The following NCBP1 variants were observed in gnomAD, a reference collection of about 807,000 sequenced individuals.
NCBP1 encodes nuclear cap binding protein subunit 1.
In NCBP1, 16 loss-of-function variants were observed where a neutral mutation model predicts 111.7. The ratio of observed to expected loss-of-function variants is 0.14; its 90% CI spans 0.10 to 0.22. The LOEUF (loss-of-function observed/expected upper bound fraction) is 0.22. Among genes scored for constraint, NCBP1 ranks in the 10% least tolerant of loss-of-function variants. NCBP1 has a pLI of 1.00. For missense variants in NCBP1, 607 were observed against 957.5 expected (o/e 0.63, Z 4.83); for synonymous variants, 304 against 314.3 (o/e 0.97, Z 0.35).
chr9:97,657,119 A>C (rs1427520608), intron 14 of NCBP1, among the ~76,000 whole-genome samples: 2 of 152,120 alleles, frequency 1.3e-5, no homozygotes, highest in Admixed American at 1.3e-4. Flanking sequence ...GGCGCCCGCC[A>C]CCACGCCTGG....
intron 8 of NCBP1, among the ~76,000 whole-genome samples, chr9:97,648,954 G>A (rs1050503409): frequency 3.3e-5 from 5 of 151,988 alleles, no homozygotes; most frequent in South Asian, 2.1e-4. Context: ...CGTCCGCTTC[G>A]TTTTCCCAAA....
chr9:97,655,247 G>C (rs940281986), intron 12 of NCBP1, among the ~76,000 whole-genome samples: 2 of 152,078 alleles, frequency 1.3e-5, no homozygotes, highest in Non-Finnish European at 2.9e-5. Flanking sequence ...GTCTTGCTCT[G>C]TCACCCAGGC....
chr9:97,641,447 TGATTTTAAAATGATA>T (rs1827202275), intron 2 of NCBP1, 100 bp from the exon 3 acceptor site: 3 of 775,104 alleles, frequency 3.9e-6, no homozygotes, highest in Admixed American at 4.2e-5. Flanking sequence ...TGATTGGTAA[TGATTTTAAAATGATA>T]GATTTTAAAA....
intron 1 of NCBP1, among the ~76,000 whole-genome samples, chr9:97,636,558 A>G (rs1437941935): frequency 6.9e-6 from 1 of 145,330 alleles, no homozygotes; most frequent in Admixed American, 6.9e-5. Flanking sequence ...TATAAGTTTT[A>G]TATAAATATA....
chr9:97,650,289 G>A (rs1827462811), intron 8 of NCBP1, among the ~76,000 whole-genome samples: 1 of 152,294 alleles, frequency 6.6e-6, no homozygotes, highest in South Asian at 2.1e-4. Flanking sequence ...TTAGGTATGA[G>A]ATGTGGTAGA....
intron 1 of NCBP1, among the ~76,000 whole-genome samples, chr9:97,635,032 G>GA (rs996977152): frequency 1.3e-5 from 2 of 152,098 alleles, no homozygotes; most frequent in East Asian, 1.9e-4. Context: ...GTCAATGTAA[G>GA]AAAAAAACCC....
intron 5 of NCBP1, among the ~76,000 whole-genome samples, 183 bp downstream of exon 5, chr9:97,645,407 G>A (rs1827307264): frequency 6.6e-6 from 1 of 151,932 alleles, no homozygotes; most frequent in African/African-American, 2.4e-5. Flanking sequence ...CACACTGGTG[G>A]GTTCTCATAA....
chr9:97,634,060 C>G (rs967302958), intron 1 of NCBP1, 145 bp downstream of exon 1: 1 of 1,072,852 alleles, frequency 9.3e-7, no homozygotes, highest in African/African-American at 1.7e-5. Flanking sequence ...AATATGGTGG[C>G]GGTGTGGTCG....
Position 97,633,844 on chromosome 9 carries a change from G to C in NCBP1, c.-38G>C, listed in dbSNP as rs982222107. ...CCAGACAGTTCCTGCAGCGCTTACC[G>C]CCTGGCCTCTCGGTTCCGCGGCGCA... On this transcript the variant is annotated 5_prime_UTR_variant, in exon 1 of 23. Transcript: ENST00000375147. The C allele has an allele frequency of 1.3e-6, 2 of 1,566,092 alleles. No individual in the cohort carries two copies. Among genetic ancestry groups the C allele is most frequent in the African/African-American group, 1.4e-5 (1 of 73,726 alleles).
Position 97,671,115 on chromosome 9 carries a change from G to A in NCBP1, c.2289G>A (p.Val763=), listed in dbSNP as rs1564032345. ...ACCAAATAATCCAGCAGTACATGGT[G>A]ACCCTGGAGAACCTTCTCTTCACTG... ...QHHQIIQQYM[V]TLENLLFTAE... is the part of the protein sequence containing the mutation. Residue 763 remains valine (V), a synonymous_variant, in exon 23 of 23, where the codon GTG becomes GTA. Coordinates refer to ENST00000375147, the MANE Select transcript of NCBP1 (RefSeq NM_002486.5). 4 of 1,612,970 alleles carry A rather than the reference G, an allele frequency of 2.5e-6. No homozygotes were observed. Among genetic ancestry groups the A allele is most frequent in the Non-Finnish European group, 3.4e-6 (4 of 1,179,052 alleles).
chr9:97,651,449 C>CTTAT lies in NCBP1; in HGVS notation c.1059+98_1059+101dup, dbSNP rs925940251. 398 of 1,272,510 alleles carry CTTAT rather than the reference C, an allele frequency of 3.1e-4. No individual in the cohort carries two copies. In the East Asian group the frequency reaches 6.0e-3, roughly 19 times the overall value. The allele number at this position is 1,272,510 out of a possible 1,614,324, so 78.8% of individuals were successfully genotyped here. On this transcript the variant is annotated intron_variant, in intron 10 of 22. Transcript: ENST00000375147. ...GCTTTAAAGTATGATCTACTCTTGG[C>CTTAT]TTATTTATTTATTTATTTATTTATT...
At chr9:97,641,056 A>G (rs1287160410) in intron 2 of NCBP1, among the ~76,000 whole-genome samples, 174 bp downstream of exon 2, 1 of 152,134 alleles carries the variant, frequency 6.6e-6, no homozygotes, top group Non-Finnish European at 1.5e-5. Context: ...ATAATTGATC[A>G]TTTTTAGTAC....
chr9:97,644,538 T>C (rs144519837), intron 4 of NCBP1, among the ~76,000 whole-genome samples: 122 of 152,314 alleles, frequency 8.0e-4, no homozygotes, highest in African/African-American at 2.7e-3. Context: ...ATTGTGCTTG[T>C]TCCACTAGAA....
At chr9:97,635,414 CT>C (rs5899316) in intron 1 of NCBP1, among the ~76,000 whole-genome samples, 30,412 of 141,782 alleles carry the variant, frequency 0.21, 4,050 homozygotes, top group Non-Finnish European at 0.31. Context: ...AATTCCCTCC[CT>C]TTTTTTTTTT....
At chr9:97,656,471 T>C (rs1168865294) in intron 14 of NCBP1, among the ~76,000 whole-genome samples, 1 of 152,064 alleles carries the variant, frequency 6.6e-6, no homozygotes, top group African/African-American at 2.4e-5. Context: ...CCCAGCTACT[T>C]GGGAGGTTGA....
intron 1 of NCBP1, among the ~76,000 whole-genome samples, chr9:97,638,151 C>T (rs1827104622): frequency 6.6e-6 from 1 of 152,070 alleles, no homozygotes; most frequent in African/African-American, 2.4e-5. Flanking sequence ...CTTATGAGTT[C>T]AATATCATGT....
At chr9:97,646,712 C>T (rs1319687401) in intron 6 of NCBP1, among the ~76,000 whole-genome samples, 1 of 151,796 alleles carries the variant, frequency 6.6e-6, no homozygotes, top group Non-Finnish European at 1.5e-5. Flanking sequence ...TGGTGGGTGC[C>T]TGTAATCCCA....
chr9:97,661,732 G>GT (rs34390822), intron 16 of NCBP1, among the ~76,000 whole-genome samples: 24,837 of 112,938 alleles, frequency 0.22, 2,950 homozygotes, highest in South Asian at 0.41. Flanking sequence ...AAGCTTAAGT[G>GT]TTTTTTTTTT....
At chr9:97,645,038 A>G in intron 4 of NCBP1, 79 bp from the exon 5 acceptor site, 1 of 1,056,450 alleles carries the variant, frequency 9.5e-7, no homozygotes, top group East Asian at 2.4e-5. Context: ...CCAATAGTTT[A>G]GCCTATACAA....
Sources: allele counts gnomAD v4.1 joint callset (sites outside exome capture counted in the v4.1 genomes callset), GRCh38; gene constraint gnomAD v4.1.1; transcripts MANE v1.5; gene names NCBI Gene and HGNC (gene_info 2026-07-23, HGNC 2026-07-21).